The following EPB41L5 variants were observed in gnomAD, a reference collection of about 807,000 sequenced individuals.
The protein encoded by EPB41L5 is band 4.1-like protein 5.
Under a neutral mutation model 106.6 loss-of-function variants are expected in EPB41L5, and 55 were observed. The ratio of observed to expected loss-of-function variants is 0.52; its 90% CI spans 0.42 to 0.65. The LOEUF is 0.65. Ranked by LOEUF, EPB41L5 falls within the 30% of genes least tolerant of loss-of-function variation. EPB41L5 has a pLI of 0.00. For synonymous variants in EPB41L5, 297 were observed against 306.7 expected, an observed-to-expected ratio of 0.97 and a Z score of 0.33; for missense variants, 871 against 882.1, an observed-to-expected ratio of 0.99 and a Z score of 0.16.
chr2:120,171,656 CA>C (rs1267383261), intron 24 of EPB41L5, among the ~76,000 whole-genome samples: 1 of 152,096 alleles, frequency 6.6e-6, no homozygotes, highest in Non-Finnish European at 1.5e-5. Context: ...GCCAACCAAC[CA>C]AAGAGAAAAA....
chr2:120,109,341 T>TCTCCTCTTACAAACCACTTC (rs550245331), intron 16 of EPB41L5, among the ~76,000 whole-genome samples: 1 of 152,154 alleles, frequency 6.6e-6, no homozygotes, highest in Non-Finnish European at 1.5e-5. Context: ...GGGCTGACTT[T>TCTCCTCTTACAAACCACTTC]CTCCTCTTAC....
intron 1 of EPB41L5, among the ~76,000 whole-genome samples, chr2:120,014,955 CT>C (rs1182327982): frequency 1.5e-5 from 2 of 129,444 alleles, no homozygotes; most frequent in Non-Finnish European, 3.3e-5. Context: ...TATGAGAAAA[CT>C]TTTTTCACAA....
chr2:120,125,984 C>A (rs1013315610), intron 16 of EPB41L5, among the ~76,000 whole-genome samples: 8 of 152,128 alleles, frequency 5.3e-5, no homozygotes, highest in African/African-American at 1.9e-4. Context: ...AGATGCATCA[C>A]CCTGATATCT....
intron 3 of EPB41L5, among the ~76,000 whole-genome samples, chr2:120,048,250 G>T (rs563917671): frequency 1.3e-5 from 2 of 152,162 alleles, no homozygotes; most frequent in Admixed American, 6.5e-5. Flanking sequence ...GCTCCTCTTT[G>T]TACCTCTGGT....
At chr2:120,133,470 T>C (rs1356395152) in intron 18 of EPB41L5, among the ~76,000 whole-genome samples, 1 of 152,092 alleles carries the variant, frequency 6.6e-6, no homozygotes, top group Non-Finnish European at 1.5e-5. Flanking sequence ...TATGGCACTT[T>C]GTATTGGAAC....
At chr2:120,084,399 G>A (rs1316023481) in intron 10 of EPB41L5, among the ~76,000 whole-genome samples, 1 of 152,134 alleles carries the variant, frequency 6.6e-6, no homozygotes, top group African/African-American at 2.4e-5. Context: ...AGTTTGGTTG[G>A]ATGTGAAATT....
chr2:120,021,893 GC>G (rs1445376023), intron 2 of EPB41L5, among the ~76,000 whole-genome samples: 65 of 152,150 alleles, frequency 4.3e-4, no homozygotes, highest in African/African-American at 1.6e-3. Context: ...ATTGAATGAA[GC>G]ACATACTCAT....
chr2:120,166,385 T>A (rs921244402), intron 22 of EPB41L5, among the ~76,000 whole-genome samples: 3 of 152,158 alleles, frequency 2.0e-5, no homozygotes, highest in Admixed American at 6.5e-5. Flanking sequence ...CTATTATTTA[T>A]GATATTTTTT....
In EPB41L5 at chr2:120,142,404, T is replaced by C. The variant is rs1686213109; in HGVS notation, c.1600-599T>C. Among the ~76,000 whole-genome samples the C allele has an allele frequency of 3.9e-5, 6 of 152,124 alleles. No individual in the cohort carries two copies. The South Asian group carries it at 1.2e-3, about 32-fold the overall frequency. ...TTATTTCAGGAATCAGTTTTTCTTG[T>C]TCTTTGATGAGCAGTACTTTGTTTT... On this transcript the variant is annotated intron_variant, in intron 18 of 24. Transcript: ENST00000263713.
rs569636603 is a variant in EPB41L5 at position 120,117,052 on chromosome 2, A to G, written c.1338-10636A>G. Among the ~76,000 whole-genome samples, 6 of 152,336 alleles carry G rather than the reference A, an allele frequency of 3.9e-5. No individual in the cohort carries two copies. The South Asian group carries it at 1.2e-3, about 32-fold the overall frequency. Reference sequence around the variant, plus strand: ...TTTAAAAATTTATTGTGAAATAAATATATAGAGAAAAGTTTATAAAAAATA... The same window carrying G: ...TTTAAAAATTTATTGTGAAATAAATGTATAGAGAAAAGTTTATAAAAAATA... On this transcript the variant is annotated intron_variant, in intron 16 of 24. Transcript: ENST00000263713.
At chr2:120,119,842 T>C (rs2105445369) in intron 16 of EPB41L5, among the ~76,000 whole-genome samples, 1 of 152,340 alleles carries the variant, frequency 6.6e-6, no homozygotes, top group East Asian at 1.9e-4. Context: ...TTAATTTGCA[T>C]TTCTTTGGGC....
chr2:120,043,600 T>G lies in EPB41L5; in HGVS notation c.285+1490T>G, dbSNP rs1307338088. The stretch of plus-strand genomic sequence containing the variant: ...AAAAAAAAAAAAAATTAGCTGGGCG[T>G]GGCGGTGCATGCCTCTAGTTCCAGA... On this transcript the variant is annotated intron_variant, in intron 3 of 24. Coordinates refer to ENST00000263713, the MANE Select transcript of EPB41L5 (RefSeq NM_020909.4). Among the ~76,000 whole-genome samples, 7 of 150,016 alleles carry G rather than the reference T, an allele frequency of 4.7e-5. No individual in the cohort carries two copies. The East Asian group carries it at 1.4e-3, about 29-fold the overall frequency.
intron 2 of EPB41L5, among the ~76,000 whole-genome samples, chr2:120,020,313 G>A (rs1427278393): frequency 2.6e-5 from 4 of 152,168 alleles, no homozygotes; most frequent in African/African-American, 9.7e-5. Context: ...CTCACCAAGT[G>A]AGAGTATAAG....
At position 120,106,831 on chromosome 2, in the gene EPB41L5, T is replaced by G. The variant is rs894048556; in HGVS notation, c.1337+6017T>G. Reference sequence around the variant, plus strand: ...GGCGTTTACCTATCTTGGAGTAAGATCTAACATTTCTGACCTTGATAGGAT... The same window carrying G: ...GGCGTTTACCTATCTTGGAGTAAGAGCTAACATTTCTGACCTTGATAGGAT... On this transcript the variant is annotated intron_variant, in intron 16 of 24. Transcript: ENST00000263713. 17 of 985,254 alleles carry G rather than the reference T, an allele frequency of 1.7e-5. No homozygotes were observed. The East Asian group carries it at 1.0e-3, about 59-fold the overall frequency. The allele number at this position is 985,254 out of a possible 1,614,324, so 61.0% of individuals were successfully genotyped here.
intron 3 of EPB41L5, among the ~76,000 whole-genome samples, chr2:120,063,646 G>C (rs1681235063): frequency 6.6e-6 from 1 of 151,570 alleles, no homozygotes; most frequent in Non-Finnish European, 1.5e-5. Flanking sequence ...CTAAAATAAA[G>C]GTTAAAAAAA....
At chr2:120,135,472 T>C (rs1685882739) in intron 18 of EPB41L5, among the ~76,000 whole-genome samples, 1 of 152,094 alleles carries the variant, frequency 6.6e-6, no homozygotes, top group Non-Finnish European at 1.5e-5. Flanking sequence ...TTAACCCAAA[T>C]AGGACTACCT....
chr2:120,140,323 T>G (rs1313983106), intron 18 of EPB41L5, among the ~76,000 whole-genome samples: 1 of 151,966 alleles, frequency 6.6e-6, no homozygotes, highest in Admixed American at 6.6e-5. Flanking sequence ...ACACAAGAAA[T>G]GATAAATGTT....
At chr2:120,163,331 G>A (rs1337178492) in intron 21 of EPB41L5, among the ~76,000 whole-genome samples, 2 of 148,006 alleles carry the variant, frequency 1.4e-5, no homozygotes, top group Admixed American at 1.4e-4. Flanking sequence ...TATGCCCTAG[G>A]TTCCTATTGT....
At chr2:120,035,661 A>G (rs1214084784) in intron 2 of EPB41L5, among the ~76,000 whole-genome samples, 1 of 152,310 alleles carries the variant, frequency 6.6e-6, no homozygotes, top group Non-Finnish European at 1.5e-5. Flanking sequence ...CCTGGGCAAC[A>G]TGGTGAGACC....
Sources: allele counts gnomAD v4.1 joint callset (sites outside exome capture counted in the v4.1 genomes callset), GRCh38; gene constraint gnomAD v4.1.1; transcripts MANE v1.5; gene names NCBI Gene and HGNC (gene_info 2026-07-23, HGNC 2026-07-21).